DHX40: variants seen among roughly 807,000 people sequenced by gnomAD.
DHX40 encodes DEAH-box helicase 40.
A neutral mutation model predicts 89.6 loss-of-function variants in DHX40; 28 were observed. The observed-to-expected ratio is 0.31, with a 90% CI of 0.23 to 0.43. The LOEUF (loss-of-function observed/expected upper bound fraction) is 0.43, where lower values mean the gene tolerates loss of function less well. Among genes scored for constraint, DHX40 ranks in the 20% least tolerant of loss-of-function variants. DHX40 has a pLI of 1.00. For missense variants in DHX40, 457 were observed against 844.0 expected (o/e 0.54, Z 5.68); for synonymous variants, 226 against 283.6 (o/e 0.80, Z 2.04).
At chr17:59,568,232 A>C (rs558328857) in intron 2 of DHX40, among the ~76,000 whole-genome samples, 1 of 152,300 alleles carries the variant, frequency 6.6e-6, no homozygotes, top group African/African-American at 2.4e-5. Context: ...TGTGTCAAAA[A>C]AAATAAATAA....
At chr17:59,587,156 C>CA (rs777942147) in intron 11 of DHX40, among the ~76,000 whole-genome samples, 7,599 of 108,206 alleles carry the variant, frequency 0.07, 577 homozygotes, top group African/African-American at 0.21. Flanking sequence ...ACCCTGTCTC[C>CA]AAAAAAAAAA....
At chr17:59,606,031 TTTTCTTTC>T (rs965638823) in intron 17 of DHX40, among the ~76,000 whole-genome samples, 1 of 151,984 alleles carries the variant, frequency 6.6e-6, no homozygotes, top group African/African-American at 2.4e-5. Flanking sequence ...CCAAGGGGCT[TTTTCTTTC>T]TTTCTTTCTT....
chr17:59,594,379 TC>T (rs1487324999), intron 12 of DHX40, among the ~76,000 whole-genome samples: 1 of 151,432 alleles, frequency 6.6e-6, no homozygotes, highest in African/African-American at 2.4e-5. Context: ...GATAATCCTT[TC>T]CCCATCCTTT....
intron 12 of DHX40, among the ~76,000 whole-genome samples, chr17:59,597,617 C>T (rs921050706): frequency 1.4e-4 from 22 of 151,854 alleles, no homozygotes; most frequent in Admixed American, 3.3e-4. Context: ...TGCAGTGATG[C>T]GATCACGGCT....
chr17:59,602,434 G>A lies in DHX40; in HGVS notation c.1807-88G>A, dbSNP rs1182599955. ...TTAATCTATGTTGGCCAGAAACAGA[G>A]GTCTTTAGAAATGTGGATTTTTCAA... On this transcript the variant is annotated intron_variant, in intron 14 of 17. Coordinates refer to ENST00000251241, the MANE Select transcript of DHX40 (RefSeq NM_024612.5). 1.0e-5 allele frequency: 12 copies of A among 1,203,614 alleles called. No individual in the cohort carries two copies. In the South Asian group the frequency reaches 1.8e-4, roughly 18 times the overall value. 74.6% of individuals were successfully genotyped at this position (1,203,614 alleles called of 1,614,324 possible). A position where few individuals can be genotyped will look rare whatever the true frequency, so the allele number is the denominator to read the frequency against.
chr17:59,590,423 A>G (rs183623622), intron 12 of DHX40, among the ~76,000 whole-genome samples: 5 of 150,370 alleles, frequency 3.3e-5, no homozygotes, highest in African/African-American at 7.4e-5. Flanking sequence ...ACTCTAATCA[A>G]TATACTGTTT....
chr17:59,591,002 A>G (rs1285117538), intron 12 of DHX40, among the ~76,000 whole-genome samples: 4 of 150,752 alleles, frequency 2.7e-5, no homozygotes, highest in Non-Finnish European at 5.9e-5. Context: ...GCAAGACCCC[A>G]TCTCTGATAA....
chr17:59,574,899 C>T (rs1446100174), intron 6 of DHX40, among the ~76,000 whole-genome samples: 1 of 152,188 alleles, frequency 6.6e-6, no homozygotes, highest in African/African-American at 2.4e-5. Flanking sequence ...TAGCAGCACC[C>T]TCCTAATAGG....
At chr17:59,569,712 TA>T (rs1567857000) in intron 2 of DHX40, among the ~76,000 whole-genome samples, 2 of 127,664 alleles carry the variant, frequency 1.6e-5, no homozygotes, top group African/African-American at 7.9e-5. Flanking sequence ...TATATATATC[TA>T]TATATATATA....
chr17:59,583,749 A>G (rs2048967505), intron 10 of DHX40, among the ~76,000 whole-genome samples: 1 of 95,134 alleles, frequency 1.1e-5, no homozygotes, highest in Non-Finnish European at 2.3e-5. Flanking sequence ...GTGTGGTGGC[A>G]GACGCCTGTA....
In DHX40 at chr17:59,607,133, G is replaced by A. The variant is rs756584336; in HGVS notation, c.2301G>A (p.Arg767=). ...RARFLERKQQ[R]TQDHSDTRKE... Reference sequence around the variant, plus strand: ...GTTTCCTTGAGAGAAAGCAGCAGAGGACCCAGGACCACAGTGACACACGAA... The same window carrying A: ...GTTTCCTTGAGAGAAAGCAGCAGAGAACCCAGGACCACAGTGACACACGAA... The change falls in exon 18 of 18, where the codon AGG becomes AGA. Residue 767 remains arginine, a synonymous_variant. Coordinates refer to ENST00000251241, the MANE Select transcript of DHX40 (RefSeq NM_024612.5). 3.7e-6 allele frequency: 6 copies of A among 1,614,198 alleles called. No homozygotes were observed. The South Asian group carries it at 4.4e-5, about 12-fold the overall frequency.
In DHX40 at chr17:59,577,500, A is replaced by T; in HGVS notation, c.1073+135A>T. 3 of 669,194 alleles carry T rather than the reference A, an allele frequency of 4.5e-6. No individual in the cohort carries two copies. The South Asian group carries it at 5.6e-5, about 13-fold the overall frequency. 41.5% of individuals were successfully genotyped at this position (669,194 alleles called of 1,614,324 possible). A position where few individuals can be genotyped will look rare whatever the true frequency, so the allele number is the denominator to read the frequency against. The stretch of plus-strand genomic sequence containing the variant: ...CTACTTTTTGATGTTCTTAACATGT[A>T]ATCACCTATTTTGTTTTGTAATTAT... On this transcript the variant is annotated intron_variant, in intron 8 of 17. Transcript: ENST00000251241.
intron 17 of DHX40, among the ~76,000 whole-genome samples, chr17:59,606,450 G>A (rs901203110): frequency 1.3e-5 from 2 of 152,046 alleles, no homozygotes; most frequent in Admixed American, 6.6e-5. Context: ...CTTTAGAAAT[G>A]TTAGCCACTA....
At position 59,585,647 on chromosome 17, in the gene DHX40, T is replaced by G. The variant is rs2048983423; in HGVS notation, c.1344-506T>G. Among the ~76,000 whole-genome samples, 4 of 150,496 alleles carry G rather than the reference T, an allele frequency of 2.7e-5. No individual in the cohort carries two copies. In the South Asian group the frequency reaches 8.4e-4, roughly 32 times the overall value. ...CTGAGGCAGGAGAATTGCTTGAACC[T>G]GGGAGATGGAGGTTGCAGTGATCAG... is the stretch of plus-strand genomic sequence containing the variant. On this transcript the variant is annotated intron_variant, in intron 10 of 17. Transcript: ENST00000251241.
At chr17:59,601,747 C>T (rs56162005) in intron 14 of DHX40, among the ~76,000 whole-genome samples, 30,352 of 151,956 alleles carry the variant, frequency 0.2, 3,595 homozygotes, top group African/African-American at 0.32. Context: ...TTGTTGGGTG[C>T]TGGATATTTT....
In DHX40 at chr17:59,602,519, T is replaced by C; in HGVS notation, c.1807-3T>C. On this transcript the variant is annotated splice_polypyrimidine_tract_variant and splice_region_variant and intron_variant, in intron 14 of 17. Coordinates refer to ENST00000251241, the MANE Select transcript of DHX40 (RefSeq NM_024612.5). The stretch of plus-strand genomic sequence containing the variant: ...TACCACTCTCTACATATTCTTTTTA[T>C]AGCAAAGTGATTTCCCAAAAGAGAC... The C allele has an allele frequency of 6.2e-7, 1 of 1,609,936 alleles. No homozygotes were observed. Among genetic ancestry groups the C allele is most frequent in the South Asian group, 1.1e-5 (1 of 90,704 alleles).
chr17:59,600,131 C>G lies in DHX40; in HGVS notation c.1806+648C>G, dbSNP rs537097601. ...GAGCCACTGCACCTGTCCTCATTCCCTTTCATAATCCATTGTCTCACCTAC... is the reference window on the plus strand; with the variant it reads ...GAGCCACTGCACCTGTCCTCATTCCGTTTCATAATCCATTGTCTCACCTAC... On this transcript the variant is annotated intron_variant, in intron 14 of 17. Coordinates refer to ENST00000251241, the MANE Select transcript of DHX40 (RefSeq NM_024612.5). 9.2e-5 allele frequency among the ~76,000 whole-genome samples: 14 copies of G among 152,184 alleles called. No homozygotes were observed. In the East Asian group the frequency reaches 1.9e-3, roughly 21 times the overall value.
chr17:59,601,605 T>C (rs2030531076), intron 14 of DHX40, among the ~76,000 whole-genome samples: 1 of 152,224 alleles, frequency 6.6e-6, no homozygotes, highest in Non-Finnish European at 1.5e-5. Context: ...AAAATTATAA[T>C]AAAATATAAT....
intron 2 of DHX40, among the ~76,000 whole-genome samples, chr17:59,567,287 A>C (rs1394103117): frequency 6.6e-6 from 1 of 152,172 alleles, no homozygotes; most frequent in African/African-American, 2.4e-5. Context: ...GATCCCCCGC[A>C]CTAGACCCAA....
Sources: gnomAD v4.1 joint callset for allele counts (sites outside exome capture counted in the v4.1 genomes callset) on GRCh38, gnomAD v4.1.1 for gene constraint, MANE v1.5 for transcripts, NCBI Gene and HGNC (gene_info 2026-07-23, HGNC 2026-07-21) for gene names.